THSD4: variants seen among roughly 807,000 people sequenced by gnomAD.
The protein encoded by THSD4 is thrombospondin type 1 domain containing 4, also known as thrombospondin type-1 domain-containing protein 4.
THSD4 carries 69 observed loss-of-function variants against 119.0 expected under a neutral mutation model. The ratio of observed to expected loss-of-function variants is 0.58; its 90% CI spans 0.48 to 0.71. The LOEUF (loss-of-function observed/expected upper bound fraction) is 0.71, where lower values mean the gene tolerates loss of function less well. Among genes scored for constraint, THSD4 ranks in the 30% least tolerant of loss-of-function variants. The pLI is 0.00. For missense variants in THSD4, 1,393 were observed against 1,391.1 expected, an observed-to-expected ratio of 1.00 and a Z score of -0.02; for synonymous variants, 524 against 540.4, an observed-to-expected ratio of 0.97 and a Z score of 0.42.
chr15:71,239,965 AC>A (rs1334432990), intron 4 of THSD4, among the ~76,000 whole-genome samples: 1 of 152,116 alleles, frequency 6.6e-6, no homozygotes, highest in Non-Finnish European at 1.5e-5. Context: ...TCATAAACAC[AC>A]CCAATTTGGT....
intron 7 of THSD4, among the ~76,000 whole-genome samples, chr15:71,552,168 G>A (rs1387807427): frequency 6.6e-6 from 1 of 152,212 alleles, no homozygotes; most frequent in African/African-American, 2.4e-5. Flanking sequence ...TCCATTGTGA[G>A]GGGATGTGGC....
intron 7 of THSD4, among the ~76,000 whole-genome samples, chr15:71,562,594 CT>C (rs78625831): frequency 0.15 from 22,405 of 152,024 alleles, 2,002 homozygotes; most frequent in Middle Eastern, 0.22. Flanking sequence ...AACCTGAGAA[CT>C]GCCAGGGCCT....
intron 6 of THSD4, among the ~76,000 whole-genome samples, chr15:71,327,916 G>A (rs560637214): frequency 5.9e-5 from 9 of 152,242 alleles, no homozygotes; most frequent in African/African-American, 2.2e-4. Context: ...TAATTCAGCC[G>A]GGTCTGTGCA....
intron 7 of THSD4, among the ~76,000 whole-genome samples, chr15:71,490,263 A>G (rs943845237): frequency 1.3e-5 from 2 of 152,052 alleles, no homozygotes; most frequent in Non-Finnish European, 2.9e-5. Context: ...CATCTCTACT[A>G]AAAATACAAA....
chr15:71,737,960 A>C lies in THSD4; in HGVS notation c.1859A>C (p.Asn620Thr). The change falls in exon 11 of 18, where the codon AAC becomes ACC. Residue 620 changes from asparagine (N) to threonine (T), a missense_variant. Physicochemically the swap from Asn to Thr is moderately conservative, Grantham distance 65. Transcript: ENST00000261862. ...CCCCCACGGCGCAGCCGGGATCACAACTGGAAGCAGCTTGGGACAACAGAA... is the reference window on the plus strand; with the variant it reads ...CCCCCACGGCGCAGCCGGGATCACACCTGGAAGCAGCTTGGGACAACAGAA... ...PQPPRRSRDHNWKQLGTTECS... is the reference protein window; with the variant it reads ...PQPPRRSRDHTWKQLGTTECS... 1 of 1,613,962 alleles carries C rather than the reference A, an allele frequency of 6.2e-7. No individual in the cohort carries two copies. Among genetic ancestry groups the C allele is most frequent in the African/African-American group, 1.3e-5 (1 of 75,076 alleles).
intron 7 of THSD4, among the ~76,000 whole-genome samples, chr15:71,517,224 G>C (rs974995195): frequency 2.6e-5 from 4 of 152,176 alleles, no homozygotes; most frequent in African/African-American, 9.7e-5. Context: ...CATCTGATTT[G>C]ATAATGGATC....
chr15:71,183,152 G>A (rs1351661770), intron 3 of THSD4: 1 of 151,782 alleles, frequency 6.6e-6, no homozygotes, highest in Non-Finnish European at 1.5e-5. Flanking sequence ...GGAAGGCAAA[G>A]CAGGAGCGAA....
intron 7 of THSD4, among the ~76,000 whole-genome samples, chr15:71,609,479 G>T (rs1194041419): frequency 6.6e-6 from 1 of 152,148 alleles, no homozygotes; most frequent in East Asian, 1.9e-4. Context: ...GGCCAGATTA[G>T]CCACATTGAT....
chr15:71,575,212 T>G (rs903747482), intron 7 of THSD4, among the ~76,000 whole-genome samples: 2 of 152,174 alleles, frequency 1.3e-5, no homozygotes, highest in Non-Finnish European at 2.9e-5. Flanking sequence ...AGGAAGCCAA[T>G]GGATTTCTCT....
intron 1 of THSD4, among the ~76,000 whole-genome samples, chr15:71,127,710 C>CT (rs1283442086): frequency 1.3e-5 from 2 of 152,038 alleles, no homozygotes; most frequent in Non-Finnish European, 2.9e-5. Context: ...GTTTGTGTAT[C>CT]TTTGTTTGAG....
At chr15:71,754,556 A>G (rs896745090) in intron 14 of THSD4, among the ~76,000 whole-genome samples, 2 of 152,208 alleles carry the variant, frequency 1.3e-5, no homozygotes, top group Admixed American at 6.5e-5. Context: ...GGACTGAGTC[A>G]TTGTCCCAGA....
chr15:71,138,774 C>T (rs2040574296), intron 1 of THSD4, among the ~76,000 whole-genome samples: 1 of 152,066 alleles, frequency 6.6e-6, no homozygotes, highest in Non-Finnish European at 1.5e-5. Context: ...ACTTTCATGG[C>T]TCTTAATGCA....
intron 6 of THSD4, among the ~76,000 whole-genome samples, chr15:71,328,482 G>A (rs1251598159): frequency 6.6e-6 from 1 of 152,122 alleles, no homozygotes; most frequent in African/African-American, 2.4e-5. Flanking sequence ...CATTCAGTCT[G>A]CCATTCAATA....
At chr15:71,205,699 GC>G (rs1312055005) in intron 3 of THSD4, among the ~76,000 whole-genome samples, 2 of 152,154 alleles carry the variant, frequency 1.3e-5, no homozygotes, top group South Asian at 2.1e-4. Context: ...TGATACTGCA[GC>G]TGCTGGCATT....
upstream of THSD4, chr15:71,111,418 C>T (rs1415914010): frequency 6.2e-7 from 1 of 1,606,264 alleles, no homozygotes; most frequent in Admixed American, 1.7e-5. Flanking sequence ...GGTCAGCATT[C>T]CAGAGTTCCT....
intron 4 of THSD4, among the ~76,000 whole-genome samples, chr15:71,228,480 C>T (rs547909045): frequency 6.6e-6 from 1 of 152,312 alleles, no homozygotes; most frequent in South Asian, 2.1e-4. Context: ...TTATAAATCA[C>T]CAAGTTTGTG....
chr15:71,337,112 G>A (rs995236172), intron 6 of THSD4, among the ~76,000 whole-genome samples: 5 of 152,194 alleles, frequency 3.3e-5, no homozygotes, highest in African/African-American at 1.2e-4. Flanking sequence ...TGACCGCCTT[G>A]GTCCTGGGCT....
chr15:71,724,287 A>ACATATATATATATT (rs1555445829), intron 8 of THSD4, among the ~76,000 whole-genome samples: 5 of 37,288 alleles, frequency 1.3e-4, no homozygotes, highest in Non-Finnish European at 3.0e-4. Context: ...ATATATATAT[A>ACATATATATATATT]TTTTTTTTTT....
At chr15:71,298,471 C>T (rs192106839) in intron 6 of THSD4, among the ~76,000 whole-genome samples, 1 of 152,254 alleles carries the variant, frequency 6.6e-6, no homozygotes, top group African/African-American at 2.4e-5. Flanking sequence ...GCTATGTATA[C>T]TGTAAAATTA....
Sources: allele counts gnomAD v4.1 joint callset (sites outside exome capture counted in the v4.1 genomes callset), GRCh38; gene constraint gnomAD v4.1.1; transcripts MANE v1.5; gene names NCBI Gene and HGNC (gene_info 2026-07-23, HGNC 2026-07-21).